The following RAP1GDS1 variants were observed in gnomAD, a reference collection of about 807,000 sequenced individuals.
RAP1GDS1 encodes RAP1, GTP-GDP dissociation stimulator 1.
RAP1GDS1 carries 35 observed loss-of-function variants against 71.1 expected under a neutral mutation model. The observed-to-expected ratio is 0.49, with a 90% CI of 0.38 to 0.65. The LOEUF (loss-of-function observed/expected upper bound fraction) is 0.65. Ranked by LOEUF, RAP1GDS1 falls within the 30% of genes least tolerant of loss-of-function variation. The pLI is 0.00. For synonymous variants in RAP1GDS1, 229 were observed against 243.1 expected (o/e 0.94, Z 0.54); for missense variants, 663 against 706.1 (o/e 0.94, Z 0.69).
intron 4 of RAP1GDS1, among the ~76,000 whole-genome samples, chr4:98,368,964 A>G (rs1426225680): frequency 6.6e-6 from 1 of 152,214 alleles, no homozygotes; most frequent in Non-Finnish European, 1.5e-5. Flanking sequence ...TGGGTAATTT[A>G]TAAAGAAAAA....
At chr4:98,261,597 G>A (rs1456907570) in intron 1 of RAP1GDS1, 28 bp downstream of exon 1, 2 of 1,595,902 alleles carry the variant, frequency 1.3e-6, no homozygotes, top group Non-Finnish European at 1.7e-6. Context: ...CGCCGTCATC[G>A]CCTGACATTT....
chr4:98,288,811 G>T (rs1297410118), intron 1 of RAP1GDS1, among the ~76,000 whole-genome samples: 2 of 152,100 alleles, frequency 1.3e-5, no homozygotes, highest in Admixed American at 6.6e-5. Flanking sequence ...TCATGTGTCT[G>T]TTGGCTGCAT....
At chr4:98,278,763 CA>C (rs1490176153) in intron 1 of RAP1GDS1, among the ~76,000 whole-genome samples, 2 of 152,218 alleles carry the variant, frequency 1.3e-5, no homozygotes, top group African/African-American at 2.4e-5. Flanking sequence ...GGAAATAATA[CA>C]AATTTTAATA....
chr4:98,266,173 C>T (rs1722697343), intron 1 of RAP1GDS1, among the ~76,000 whole-genome samples: 1 of 152,034 alleles, frequency 6.6e-6, no homozygotes, highest in African/African-American at 2.4e-5. Flanking sequence ...GTGCTGTTTT[C>T]ATGTCTAAGG....
At chr4:98,352,721 T>C (rs964577291) in intron 4 of RAP1GDS1, 120 bp downstream of exon 4, 51 of 948,742 alleles carry the variant, frequency 5.4e-5, no homozygotes, top group Non-Finnish European at 2.3e-5. Flanking sequence ...GCCGGCATGA[T>C]TCAGCACTGC....
chr4:98,326,961 G>A (rs1418659975), intron 2 of RAP1GDS1, among the ~76,000 whole-genome samples: 2 of 152,108 alleles, frequency 1.3e-5, no homozygotes, highest in South Asian at 2.1e-4. Flanking sequence ...ACACACAGAC[G>A]AGGAGAAAGT....
At chr4:98,353,678 C>T (rs1737535659) in intron 4 of RAP1GDS1, among the ~76,000 whole-genome samples, 1 of 152,128 alleles carries the variant, frequency 6.6e-6, no homozygotes, top group African/African-American at 2.4e-5. Context: ...AATCTGAGGA[C>T]ATAGATGTCT....
At chr4:98,395,254 T>C (rs1315776384) in intron 6 of RAP1GDS1, among the ~76,000 whole-genome samples, 1 of 152,164 alleles carries the variant, frequency 6.6e-6, no homozygotes, top group Non-Finnish European at 1.5e-5. Flanking sequence ...ATAGCTTGTC[T>C]CACAAGTTTA....
intron 4 of RAP1GDS1, among the ~76,000 whole-genome samples, chr4:98,367,406 T>C (rs1225843548): frequency 6.6e-6 from 1 of 152,140 alleles, no homozygotes; most frequent in Non-Finnish European, 1.5e-5. Flanking sequence ...GCTAAGGCAG[T>C]GCAGAAGGGA....
chr4:98,303,698 T>TA (rs1271756995), intron 2 of RAP1GDS1, among the ~76,000 whole-genome samples: 17 of 150,398 alleles, frequency 1.1e-4, no homozygotes, highest in African/African-American at 3.7e-4. Context: ...GAGAACTTTT[T>TA]AAAAAAAATT....
chr4:98,381,810 T>C (rs563237870), intron 5 of RAP1GDS1, among the ~76,000 whole-genome samples: 1 of 151,544 alleles, frequency 6.6e-6, no homozygotes, highest in Non-Finnish European at 1.5e-5. Context: ...TTTAGCTGTA[T>C]GTATAAAATG....
chr4:98,306,786 T>A (rs1419168762), intron 2 of RAP1GDS1, among the ~76,000 whole-genome samples: 1 of 152,200 alleles, frequency 6.6e-6, no homozygotes, highest in Non-Finnish European at 1.5e-5. Flanking sequence ...ATCATGCTAC[T>A]TTTTACTTCA....
chr4:98,368,232 T>C (rs1739812890), intron 4 of RAP1GDS1, among the ~76,000 whole-genome samples: 1 of 152,156 alleles, frequency 6.6e-6, no homozygotes, highest in Admixed American at 6.5e-5. Flanking sequence ...GACTTGCTCC[T>C]CCTTGCCTTC....
chr4:98,416,413 C>T (rs1276072658), intron 7 of RAP1GDS1, among the ~76,000 whole-genome samples: 1 of 115,714 alleles, frequency 8.6e-6, no homozygotes, highest in Non-Finnish European at 1.6e-5. Context: ...GTGTTGCAAT[C>T]TTGGCTCACT....
At chr4:98,299,052 T>G (rs1236242628) in intron 2 of RAP1GDS1, among the ~76,000 whole-genome samples, 7 of 152,118 alleles carry the variant, frequency 4.6e-5, no homozygotes, top group Admixed American at 4.6e-4. Context: ...TGCTATCCTT[T>G]CCCCAGCCCC....
intron 2 of RAP1GDS1, among the ~76,000 whole-genome samples, chr4:98,322,804 C>A (rs1318503171): frequency 7.4e-6 from 1 of 134,882 alleles, no homozygotes; most frequent in African/African-American, 3.1e-5. Flanking sequence ...ACTAAATGCC[C>A]ACAAGAGAAA....
At chr4:98,309,067 T>C (rs894544700) in intron 2 of RAP1GDS1, among the ~76,000 whole-genome samples, 10 of 152,120 alleles carry the variant, frequency 6.6e-5, no homozygotes, top group Non-Finnish European at 1.5e-4. Context: ...TTTCAGTTAC[T>C]TTAAAAAATG....
chr4:98,350,529 A>G (rs1283583188), intron 3 of RAP1GDS1, among the ~76,000 whole-genome samples: 1 of 152,088 alleles, frequency 6.6e-6, no homozygotes, highest in Non-Finnish European at 1.5e-5. Context: ...CAGCATAGTG[A>G]AACTCTGTCT....
intron 2 of RAP1GDS1, among the ~76,000 whole-genome samples, chr4:98,338,738 TAG>T (rs1735084816): frequency 1.3e-5 from 2 of 152,356 alleles, no homozygotes; most frequent in Admixed American, 1.3e-4. Context: ...TTTAACCTAA[TAG>T]AGTCTTAGTA....
Sources: gnomAD v4.1 joint callset for allele counts (sites outside exome capture counted in the v4.1 genomes callset) on GRCh38, gnomAD v4.1.1 for gene constraint, MANE v1.5 for transcripts, NCBI Gene and HGNC (gene_info 2026-07-23, HGNC 2026-07-21) for gene names.